Variants in SESTD1 observed in about 807,000 individuals in gnomAD.
The protein encoded by SESTD1 is SEC14 domain and spectrin repeat-containing protein 1.
A neutral mutation model predicts 101.7 loss-of-function variants in SESTD1; 43 were observed. The ratio of observed to expected loss-of-function variants is 0.42; its 90% CI spans 0.33 to 0.55. The LOEUF (loss-of-function observed/expected upper bound fraction) is 0.55, where lower values mean the gene tolerates loss of function less well. Among genes scored for constraint, SESTD1 ranks in the 20% least tolerant of loss-of-function variants. The pLI, the probability that SESTD1 is intolerant of heterozygous loss-of-function variation, is 0.07. For missense variants in SESTD1, 647 were observed against 815.1 expected, an observed-to-expected ratio of 0.79 and a Z score of 2.51; for synonymous variants, 283 against 286.8, an observed-to-expected ratio of 0.99 and a Z score of 0.13.
intron 1 of SESTD1, among the ~76,000 whole-genome samples, chr2:179,212,782 A>G (rs1262530664): frequency 1.5e-5 from 2 of 134,988 alleles, no homozygotes; most frequent in African/African-American, 5.9e-5. Context: ...TCTGGGACGA[A>G]GCTTCCGGAG....
rs1260664797 is a variant in SESTD1, at chr2:179,206,426, A to G, written c.-25-14560T>C. Among the ~76,000 whole-genome samples, 3 of 136,416 alleles carry G rather than the reference A, an allele frequency of 2.2e-5. 1 individual carries two copies. The highest frequency in any genetic ancestry group is 4.8e-5 in the Non-Finnish European group (3 of 63,112). 89.5% of individuals were successfully genotyped at this position (136,416 alleles called of 152,430 possible). A position where few individuals can be genotyped will look rare whatever the true frequency, so the allele number is the denominator to read the frequency against. On this transcript the variant is annotated intron_variant, in intron 1 of 17. Coordinates refer to ENST00000428443, the MANE Select transcript of SESTD1 (RefSeq NM_178123.5). ...TCATGGGAGAAGAATTTAATCTTAC[A>G]TAGAGCTGAAATGGATTTAGGGAGC...
intron 14 of SESTD1, 40 bp downstream of exon 14, chr2:179,117,492 A>G: frequency 6.6e-7 from 1 of 1,504,088 alleles, no homozygotes; most frequent in Admixed American, 2.5e-5. Context: ...TCAATCTTCT[A>G]AGAAAAGTTA....
rs557038233 is a variant in SESTD1 at position 179,170,239 on chromosome 2, TTCA to T, written c.369+1878_369+1880del. On this transcript the variant is annotated intron_variant, in intron 5 of 17. Coordinates refer to ENST00000428443, the MANE Select transcript of SESTD1 (RefSeq NM_178123.5). ...AAAAAAAAAAACTGAAAAAGAGGAC[TTCA>T]TCATAGTTAAAAAAATTTCTTGAAA... Among the ~76,000 whole-genome samples the T allele has an allele frequency of 5.1e-4, 76 of 149,648 alleles. 2 individuals carry two copies. In the South Asian group the frequency reaches 0.016, roughly 32 times the overall value.
chr2:179,151,697 T>C (rs2045534342), intron 5 of SESTD1, among the ~76,000 whole-genome samples: 1 of 152,154 alleles, frequency 6.6e-6, no homozygotes, highest in Non-Finnish European at 1.5e-5. Flanking sequence ...AATTCCTTAA[T>C]GCAATGAAGT....
intron 12 of SESTD1, among the ~76,000 whole-genome samples, chr2:179,123,372 T>C (rs2044795280): frequency 6.6e-6 from 1 of 152,112 alleles, no homozygotes; most frequent in Non-Finnish European, 1.5e-5. Flanking sequence ...ATTTTGGGCA[T>C]ACAGGATTTA....
At chr2:179,157,646 C>A (rs1559119700) in intron 5 of SESTD1, among the ~76,000 whole-genome samples, 1 of 152,022 alleles carries the variant, frequency 6.6e-6, no homozygotes, top group Non-Finnish European at 1.5e-5. Flanking sequence ...CAGCACAGAA[C>A]CCAGAAATAA....
rs1194890446 is a variant in SESTD1 at position 179,128,487 on chromosome 2, T to G, written c.972+3817A>C. Among the ~76,000 whole-genome samples, 12 of 152,106 alleles carry G rather than the reference T, an allele frequency of 7.9e-5. No individual in the cohort carries two copies. The East Asian group carries it at 2.1e-3, about 27-fold the overall frequency. On this transcript the variant is annotated intron_variant, in intron 10 of 17. Coordinates refer to ENST00000428443, the MANE Select transcript of SESTD1 (RefSeq NM_178123.5). ...GGCTCATGCCTGTAATCCCAGCACT[T>G]TGGGAGGTCAAGATGGGCAGATCAC... is the stretch of plus-strand genomic sequence containing the variant.
chr2:179,119,390 A>G (rs1374378), intron 13 of SESTD1, among the ~76,000 whole-genome samples: 68,865 of 151,990 alleles, frequency 0.45, 18,431 homozygotes, highest in African/African-American at 0.75. Context: ...AAAAAAGGAG[A>G]GCAAGTTTTA....
chr2:179,195,804 G>A (rs918039223), intron 1 of SESTD1, among the ~76,000 whole-genome samples: 1 of 147,018 alleles, frequency 6.8e-6, no homozygotes, highest in African/African-American at 2.5e-5. Context: ...GAGACATGAA[G>A]AAGGTTATAA....
At chr2:179,256,085 G>T (rs1177428741) in intron 1 of SESTD1, among the ~76,000 whole-genome samples, 1 of 151,992 alleles carries the variant, frequency 6.6e-6, no homozygotes. Context: ...GGTCATCCAA[G>T]AACTCTGATG....
At position 179,214,250 on chromosome 2, in the gene SESTD1, G is replaced by A. The variant is rs187549402; in HGVS notation, c.-25-22384C>T. Among the ~76,000 whole-genome samples the A allele has an allele frequency of 9.7e-5, 13 of 134,050 alleles. 2 individuals are homozygous for A. Among genetic ancestry groups the A allele is most frequent in the Admixed American group, 9.4e-4 (13 of 13,802 alleles). 87.9% of individuals were successfully genotyped at this position (134,050 alleles called of 152,430 possible). On this transcript the variant is annotated intron_variant, in intron 1 of 17. Transcript: ENST00000428443. ...TCAGGAGACCCATCTCACATGTAGA[G>A]GCACACATAGGCTCAAAATAAAGGG... is the stretch of plus-strand genomic sequence containing the variant.
chr2:179,162,545 C>A (rs982168093), intron 5 of SESTD1: 1 of 151,858 alleles, frequency 6.6e-6, no homozygotes, highest in African/African-American at 2.4e-5. Flanking sequence ...ATAAGAAAAA[C>A]TACCTAAATC....
intron 3 of SESTD1, among the ~76,000 whole-genome samples, chr2:179,180,319 G>C (rs544986403): frequency 2.0e-4 from 30 of 152,234 alleles, no homozygotes; most frequent in African/African-American, 7.0e-4. Flanking sequence ...AAAACGTTAA[G>C]ATAGTCATTG....
intron 1 of SESTD1, among the ~76,000 whole-genome samples, chr2:179,203,075 G>A (rs1262369002): frequency 1.5e-5 from 2 of 134,576 alleles, no homozygotes; most frequent in Non-Finnish European, 3.2e-5. Context: ...AACAAGGAAG[G>A]GGTGATCCCA....
At position 179,204,470 on chromosome 2, in the gene SESTD1, T is replaced by A. The variant is rs2046565594; in HGVS notation, c.-25-12604A>T. On this transcript the variant is annotated intron_variant, in intron 1 of 17. Coordinates refer to ENST00000428443, the MANE Select transcript of SESTD1 (RefSeq NM_178123.5). ...TTAACAACGTAGAGCCAATCACTAA[T>A]CAATGTTATTTCTGTGAACCAATGA... is the stretch of plus-strand genomic sequence containing the variant. Among the ~76,000 whole-genome samples, 2 of 134,598 alleles carry A rather than the reference T, an allele frequency of 1.5e-5. 1 individual carries two copies. 88.3% of individuals were successfully genotyped at this position (134,598 alleles called of 152,430 possible). A position where few individuals can be genotyped will look rare whatever the true frequency, so the allele number is the denominator to read the frequency against.
At chr2:179,121,275 A>T (rs2044744753) in intron 13 of SESTD1, among the ~76,000 whole-genome samples, 1 of 152,170 alleles carries the variant, frequency 6.6e-6, no homozygotes, top group African/African-American at 2.4e-5. Context: ...TTTTCAAAGA[A>T]TCTTTTGAAT....
At chr2:179,236,507 T>A (rs1427104474) in intron 1 of SESTD1, among the ~76,000 whole-genome samples, 1 of 151,868 alleles carries the variant, frequency 6.6e-6, no homozygotes, top group Non-Finnish European at 1.5e-5. Flanking sequence ...TAAAAAGTAA[T>A]TTTTTTAAAT....
At chr2:179,163,659 G>A in intron 5 of SESTD1, among the ~76,000 whole-genome samples, 1 of 151,306 alleles carries the variant, frequency 6.6e-6, no homozygotes, top group Middle Eastern at 3.4e-3. Context: ...AAAACATAAA[G>A]TTTTAAAAAT....
chr2:179,180,237 A>T (rs2046083884), intron 3 of SESTD1, among the ~76,000 whole-genome samples: 1 of 152,218 alleles, frequency 6.6e-6, no homozygotes, highest in African/African-American at 2.4e-5. Flanking sequence ...ATTAAAAATA[A>T]GCACAAAGTA....
Sources: gnomAD v4.1 joint callset for allele counts (sites outside exome capture counted in the v4.1 genomes callset) on GRCh38, gnomAD v4.1.1 for gene constraint, MANE v1.5 for transcripts, NCBI Gene and HGNC (gene_info 2026-07-23, HGNC 2026-07-21) for gene names.